SOX6: variants seen among roughly 807,000 people sequenced by gnomAD.
SOX6 encodes the protein transcription factor SOX-6.
In SOX6, 11 loss-of-function variants were observed where a neutral mutation model predicts 97.8. The ratio of observed to expected loss-of-function variants is 0.11; its 90% CI spans 0.07 to 0.19. SOX6 has a LOEUF of 0.19. Ranked by LOEUF, SOX6 falls within the 10% of genes least tolerant of loss-of-function variation. SOX6 has a pLI of 1.00. For missense variants in SOX6, 810 were observed against 1,039.5 expected (o/e 0.78, Z 3.04); for synonymous variants, 360 against 371.4 (o/e 0.97, Z 0.35).
chr11:16,130,431 T>C (rs1021035930), intron 6 of SOX6, among the ~76,000 whole-genome samples: 5 of 151,988 alleles, frequency 3.3e-5, no homozygotes, highest in Non-Finnish European at 7.4e-5. Context: ...TGTTTATGCA[T>C]ATCAAAATAG....
At chr11:16,494,615 C>G (rs1860564669) in intron 4 of SOX6, among the ~76,000 whole-genome samples, 1 of 151,988 alleles carries the variant, frequency 6.6e-6, no homozygotes. Flanking sequence ...CAATAATCAC[C>G]CTTCAAATCG....
chr11:16,289,281 T>C (rs937054916), intron 3 of SOX6, among the ~76,000 whole-genome samples: 16 of 151,936 alleles, frequency 1.1e-4, no homozygotes, highest in Non-Finnish European at 1.9e-4. Flanking sequence ...CCTGGTTGTA[T>C]GAATAGAAAT....
chr11:16,295,398 A>C (rs1855046126), intron 3 of SOX6, among the ~76,000 whole-genome samples: 1 of 152,224 alleles, frequency 6.6e-6, no homozygotes, highest in Non-Finnish European at 1.5e-5. Context: ...CCTAATAGCA[A>C]TCTGAGACAG....
At chr11:16,049,971 C>CA in intron 10 of SOX6, 33 bp from the exon 11 acceptor site, 1 of 1,609,818 alleles carries the variant, frequency 6.2e-7, no homozygotes, top group Non-Finnish European at 8.5e-7. Flanking sequence ...ATTATTTTTA[C>CA]AAAAGACAAA....
intron 3 of SOX6, among the ~76,000 whole-genome samples, chr11:16,244,768 T>TTGTG (rs768155415): frequency 1.3e-5 from 2 of 150,732 alleles, no homozygotes; most frequent in Non-Finnish European, 3.0e-5. Flanking sequence ...GTGTGTGTGT[T>TTGTG]TGTGTGTGTG....
At chr11:16,488,482 T>A (rs1188054214) in intron 4 of SOX6, among the ~76,000 whole-genome samples, 2 of 152,130 alleles carry the variant, frequency 1.3e-5, no homozygotes, top group Non-Finnish European at 2.9e-5. Context: ...GTATTTCCCT[T>A]TTTGCTTTTT....
At chr11:16,130,955 A>G (rs532283748) in intron 6 of SOX6, among the ~76,000 whole-genome samples, 6 of 152,110 alleles carry the variant, frequency 3.9e-5, no homozygotes, top group African/African-American at 1.4e-4. Flanking sequence ...TATACACAAA[A>G]TTTAACTCAA....
At chr11:16,500,129 A>T (rs1434693160) in intron 4 of SOX6, among the ~76,000 whole-genome samples, 1 of 152,234 alleles carries the variant, frequency 6.6e-6, no homozygotes, top group Non-Finnish European at 1.5e-5. Context: ...AGTGGGCTTC[A>T]TCCCTGGGAT....
chr11:16,210,017 T>C (rs1297060212), intron 4 of SOX6, among the ~76,000 whole-genome samples: 1 of 152,120 alleles, frequency 6.6e-6, no homozygotes, highest in Non-Finnish European at 1.5e-5. Context: ...GTGGAGAAAG[T>C]GAAACCCACA....
At chr11:16,479,617 T>A (rs1860309556), upstream of SOX6, among the ~76,000 whole-genome samples, 1 of 151,040 alleles carries the variant, frequency 6.6e-6, no homozygotes, top group South Asian at 2.1e-4. Context: ...AATGTATACA[T>A]TAAAAATTAG....
At chr11:16,421,179 C>T (rs563334656) in intron 1 of SOX6, among the ~76,000 whole-genome samples, 6 of 152,106 alleles carry the variant, frequency 3.9e-5, no homozygotes, top group East Asian at 1.9e-4. Flanking sequence ...TATAAGTACA[C>T]CAAAATACAC....
intron 4 of SOX6, among the ~76,000 whole-genome samples, chr11:16,207,406 TC>T (rs1436763380): frequency 6.6e-6 from 1 of 151,892 alleles, no homozygotes; most frequent in African/African-American, 2.4e-5. Context: ...ATCGAGACCA[TC>T]CTGGCTAACA....
At chr11:16,447,509 T>A (rs943868323) in intron 1 of SOX6, among the ~76,000 whole-genome samples, 7 of 152,030 alleles carry the variant, frequency 4.6e-5, no homozygotes, top group African/African-American at 1.7e-4. Context: ...CACTTCAGTA[T>A]ATATAGAGAG....
At chr11:16,033,608 C>T (rs1318072840) in intron 12 of SOX6, among the ~76,000 whole-genome samples, 1 of 152,194 alleles carries the variant, frequency 6.6e-6, no homozygotes, top group Non-Finnish European at 1.5e-5. Context: ...CAGTGGCTCA[C>T]ACCTGTAATC....
chr11:16,199,557 A>G (rs1477495014), intron 4 of SOX6, among the ~76,000 whole-genome samples: 1 of 152,196 alleles, frequency 6.6e-6, no homozygotes, highest in Admixed American at 6.5e-5. Context: ...ATTTTAAAAA[A>G]AGTTAACTAG....
intron 3 of SOX6, among the ~76,000 whole-genome samples, chr11:16,641,852 C>T (rs1288869869): frequency 6.6e-6 from 1 of 152,034 alleles, no homozygotes; most frequent in African/African-American, 2.4e-5. Flanking sequence ...GGTCTTGACT[C>T]TTTATCCAAT....
chr11:16,519,375 G>A (rs1309642899), intron 4 of SOX6, among the ~76,000 whole-genome samples: 1 of 151,956 alleles, frequency 6.6e-6, no homozygotes, highest in Non-Finnish European at 1.5e-5. Flanking sequence ...GGAGTTCCTG[G>A]TGTCTATTAT....
intron 3 of SOX6, among the ~76,000 whole-genome samples, chr11:16,662,468 C>A (rs951296936): frequency 1.1e-4 from 17 of 152,082 alleles, no homozygotes; most frequent in African/African-American, 4.1e-4. Flanking sequence ...GTTTGAATAT[C>A]CCTCATAGAA....
intron 4 of SOX6, among the ~76,000 whole-genome samples, chr11:16,520,731 A>C (rs1861045603): frequency 6.6e-6 from 1 of 152,162 alleles, no homozygotes. Context: ...CAGTCAAAGA[A>C]AGGGGTGATG....
Sources: allele counts gnomAD v4.1 joint callset (sites outside exome capture counted in the v4.1 genomes callset), GRCh38; gene constraint gnomAD v4.1.1; transcripts MANE v1.5; gene names NCBI Gene and HGNC (gene_info 2026-07-23, HGNC 2026-07-21).